Variants in MAPKAPK5 observed in about 807,000 individuals in gnomAD.
MAPKAPK5 encodes MAPK activated protein kinase 5.
MAPKAPK5 carries 30 observed loss-of-function variants against 65.1 expected under a neutral mutation model. The ratio of observed to expected loss-of-function variants is 0.46; its 90% CI spans 0.34 to 0.63. The LOEUF is 0.63. Ranked by LOEUF, MAPKAPK5 falls within the 20% of genes least tolerant of loss-of-function variation. The pLI is 0.01. For synonymous variants in MAPKAPK5, 179 were observed against 204.6 expected, an observed-to-expected ratio of 0.87 and a Z score of 1.07; for missense variants, 433 against 581.4, an observed-to-expected ratio of 0.74 and a Z score of 2.63.
At chr12:111,848,062 G>T (rs371838211) in intron 1 of MAPKAPK5, among the ~76,000 whole-genome samples, 181 of 152,306 alleles carry the variant, frequency 1.2e-3, no homozygotes, top group African/African-American at 4.2e-3. Flanking sequence ...CAAGTTTTGT[G>T]TGAATATATG....
chr12:111,859,627 TTTTTC>T (rs202209196), intron 1 of MAPKAPK5, among the ~76,000 whole-genome samples: 1 of 143,226 alleles, frequency 7.0e-6, no homozygotes, highest in Non-Finnish European at 1.5e-5. Flanking sequence ...AGCACTTCTT[TTTTTC>T]TTTTCTTTTC....
At chr12:111,869,871 T>A (rs1039806047) in intron 5 of MAPKAPK5, among the ~76,000 whole-genome samples, 2 of 152,136 alleles carry the variant, frequency 1.3e-5, no homozygotes, top group Admixed American at 1.3e-4. Flanking sequence ...CCCTGGAGAG[T>A]GCCATTCTTG....
rs1274226182 is a variant in MAPKAPK5, at chr12:111,881,402, C to CTTTTTTTT, written c.660+875_660+876insTTTTTTTT. On this transcript the variant is annotated intron_variant, in intron 8 of 13. Transcript: ENST00000550735. ...AGCCCACATATTGATCCTGTCTGTTCCTTTTTTTTTTTTTTTTTTTGAGAC... is the reference window on the plus strand; with the variant it reads ...AGCCCACATATTGATCCTGTCTGTTCTTTTTTTTCTTTTTTTTTTTTTTTTTTTGAGAC... Among the ~76,000 whole-genome samples the CTTTTTTTT allele has an allele frequency of 1.8e-3, 209 of 116,678 alleles. 21 individuals carry two copies. Among genetic ancestry groups the CTTTTTTTT allele is most frequent in the East Asian group, 6.7e-3 (24 of 3,606 alleles). The allele number at this position is 116,678 out of a possible 152,430, so 76.5% of individuals were successfully genotyped here.
At chr12:111,868,568 T>C (rs539135696) in intron 4 of MAPKAPK5, among the ~76,000 whole-genome samples, 185 bp from the exon 5 acceptor site, 1 of 152,296 alleles carries the variant, frequency 6.6e-6, no homozygotes, top group South Asian at 2.1e-4. Context: ...AAAATCACAT[T>C]AAAATTTTTT....
intron 8 of MAPKAPK5, 70 bp downstream of exon 8, chr12:111,880,597 C>T: frequency 7.2e-7 from 1 of 1,392,920 alleles, no homozygotes; most frequent in Non-Finnish European, 1.0e-6. Context: ...GTTTGTGGCC[C>T]TCTGGGAGTG....
intron 9 of MAPKAPK5, among the ~76,000 whole-genome samples, chr12:111,884,867 T>G (rs2070353317): frequency 6.6e-6 from 1 of 152,178 alleles, no homozygotes; most frequent in South Asian, 2.1e-4. Context: ...AAAGTAAGCT[T>G]GTCCTGTTGA....
At chr12:111,871,621 C>T (rs965706623) in intron 7 of MAPKAPK5, among the ~76,000 whole-genome samples, 2 of 151,814 alleles carry the variant, frequency 1.3e-5, no homozygotes, top group African/African-American at 2.4e-5. Flanking sequence ...CTAGCTTGGG[C>T]GACAGAGCGA....
At chr12:111,873,015 G>T (rs2069833210) in intron 7 of MAPKAPK5, among the ~76,000 whole-genome samples, 1 of 151,820 alleles carries the variant, frequency 6.6e-6, no homozygotes, top group Non-Finnish European at 1.5e-5. Flanking sequence ...TTTTCTTAAT[G>T]GCCTTTGAAT....
chr12:111,878,678 C>G (rs1454529787), intron 7 of MAPKAPK5, among the ~76,000 whole-genome samples: 2 of 152,120 alleles, frequency 1.3e-5, no homozygotes, highest in African/African-American at 4.8e-5. Context: ...CTCGGCCTCC[C>G]AAAGTGCTGG....
chr12:111,880,964 A>G (rs1363056904), intron 8 of MAPKAPK5, among the ~76,000 whole-genome samples: 1 of 152,208 alleles, frequency 6.6e-6, no homozygotes, highest in Non-Finnish European at 1.5e-5. Context: ...TTATGGCACC[A>G]TTCTTTGTTA....
intron 1 of MAPKAPK5, chr12:111,843,373 A>G (rs2068794347): frequency 2.5e-6 from 1 of 398,388 alleles, no homozygotes; most frequent in Non-Finnish European, 4.4e-6. Context: ...AAACCAAAAG[A>G]AAAGCAAATG....
intron 7 of MAPKAPK5, chr12:111,879,398 T>C (rs2070111582): frequency 6.6e-6 from 1 of 151,122 alleles, no homozygotes; most frequent in Admixed American, 6.6e-5. Flanking sequence ...TTTTTTTTTT[T>C]TTTTTTTTGA....
intron 7 of MAPKAPK5, among the ~76,000 whole-genome samples, 188 bp downstream of exon 7, chr12:111,871,368 C>T (rs994741658): frequency 3.9e-5 from 6 of 152,010 alleles, no homozygotes; most frequent in Admixed American, 2.0e-4. Context: ...TAGCCAGGTG[C>T]GGTGGCTCAC....
At chr12:111,865,970 ATTGGC>A in intron 2 of MAPKAPK5, among the ~76,000 whole-genome samples, 181 bp from the exon 3 acceptor site, 1 of 151,980 alleles carries the variant, frequency 6.6e-6, no homozygotes, top group Admixed American at 6.6e-5. Context: ...AGGCCTGAGC[ATTGGC>A]TGCTGGGCAG....
At chr12:111,859,732 C>T (rs1208708300) in intron 1 of MAPKAPK5, among the ~76,000 whole-genome samples, 2 of 151,804 alleles carry the variant, frequency 1.3e-5, no homozygotes, top group Non-Finnish European at 2.9e-5. Context: ...TCACTGCAGC[C>T]TCTGCCTCCC....
chr12:111,875,688 T>TGGCTCCTAGAGGGTCTGTAC (rs2069939572), intron 7 of MAPKAPK5, among the ~76,000 whole-genome samples: 1 of 152,180 alleles, frequency 6.6e-6, no homozygotes, highest in Admixed American at 6.5e-5. Flanking sequence ...CTTGTTTGTA[T>TGGCTCCTAGAGGGTCTGTAC]GGCTCCTAGA....
chr12:111,844,506 T>G (rs1366773806), intron 1 of MAPKAPK5, among the ~76,000 whole-genome samples: 1 of 152,190 alleles, frequency 6.6e-6, no homozygotes, highest in South Asian at 2.1e-4. Flanking sequence ...TTGGGTTTTA[T>G]TGGCACAGAG....
At chr12:111,877,772 C>G (rs908828405) in intron 7 of MAPKAPK5, among the ~76,000 whole-genome samples, 1 of 152,190 alleles carries the variant, frequency 6.6e-6, no homozygotes. Context: ...CCTCAACCTC[C>G]TGGGCTCAAG....
At chr12:111,873,618 C>T (rs2069857544) in intron 7 of MAPKAPK5, among the ~76,000 whole-genome samples, 1 of 152,152 alleles carries the variant, frequency 6.6e-6, no homozygotes, top group Admixed American at 6.5e-5. Context: ...GCTGGGATTA[C>T]AGGCATGAGC....
Sources: gnomAD v4.1 joint callset for allele counts (sites outside exome capture counted in the v4.1 genomes callset) on GRCh38, gnomAD v4.1.1 for gene constraint, MANE v1.5 for transcripts, NCBI Gene and HGNC (gene_info 2026-07-23, HGNC 2026-07-21) for gene names.